The following ZPBP variants were observed in gnomAD, a reference collection of about 807,000 sequenced individuals.
ZPBP encodes zona pellucida-binding protein 1.
A neutral mutation model predicts 44.8 loss-of-function variants in ZPBP; 26 were observed. That is an observed-to-expected ratio of 0.58 (90% confidence interval 0.43 to 0.81). The LOEUF is 0.81. ZPBP is among the 30% of genes least tolerant of loss of function. The pLI is 0.00. For missense variants in ZPBP, 409 were observed against 434.0 expected, an observed-to-expected ratio of 0.94 and a Z score of 0.51; for synonymous variants, 174 against 153.2, an observed-to-expected ratio of 1.14 and a Z score of -1.00.
At chr7:50,034,808 T>C (rs1462337406) in intron 4 of ZPBP, among the ~76,000 whole-genome samples, 2 of 152,078 alleles carry the variant, frequency 1.3e-5, no homozygotes, top group Non-Finnish European at 2.9e-5. Flanking sequence ...TTTGCCAGGT[T>C]AGAACCTCTA....
chr7:49,909,760 A>G (rs888313629), intron 1 of ZPBP, among the ~76,000 whole-genome samples: 2 of 152,160 alleles, frequency 1.3e-5, no homozygotes, highest in African/African-American at 2.4e-5. Flanking sequence ...AAAGAGAAAG[A>G]GTTCAAGGGC....
At chr7:50,022,650 C>T (rs1176333882) in intron 5 of ZPBP, among the ~76,000 whole-genome samples, 1 of 151,974 alleles carries the variant, frequency 6.6e-6, no homozygotes, top group African/African-American at 2.4e-5. Context: ...TTGACATCTA[C>T]GGAACTTGTC....
intron 1 of ZPBP, among the ~76,000 whole-genome samples, chr7:49,927,957 C>T (rs1794306773): frequency 6.6e-6 from 1 of 152,106 alleles, no homozygotes; most frequent in South Asian, 2.1e-4. Flanking sequence ...ACAGCATTGC[C>T]CCTCTCATGA....
At chr7:49,926,580 C>T (rs60283249) in intron 1 of ZPBP, among the ~76,000 whole-genome samples, 26 of 152,290 alleles carry the variant, frequency 1.7e-4, no homozygotes, top group African/African-American at 6.0e-4. Context: ...AGGGTACCCT[C>T]TTTGCCCACG....
intron 2 of ZPBP, among the ~76,000 whole-genome samples, chr7:49,887,313 C>A (rs1791944629): frequency 6.6e-6 from 1 of 152,184 alleles, no homozygotes; most frequent in Non-Finnish European, 1.5e-5. Context: ...TATTCTGCAT[C>A]ATTTGAAAGA....
chr7:50,020,495 T>C (rs1198990516), intron 5 of ZPBP, among the ~76,000 whole-genome samples: 2 of 152,200 alleles, frequency 1.3e-5, no homozygotes, highest in Non-Finnish European at 2.9e-5. Context: ...ACAGACATTA[T>C]ATCCATCCCC....
In ZPBP at chr7:50,022,172, T is replaced by C. The variant is rs558881139; in HGVS notation, c.707-3856A>G. Among the ~76,000 whole-genome samples the C allele has an allele frequency of 2.0e-5, 3 of 152,130 alleles. No individual in the cohort carries two copies. The East Asian group carries it at 5.8e-4, about 29-fold the overall frequency. On this transcript the variant is annotated intron_variant, in intron 5 of 7. Coordinates refer to ENST00000046087, the MANE Select transcript of ZPBP (RefSeq NM_007009.3). ...TGAAGAATAGATAGTAACTTGTTAC[T>C]ACAAACAAAAAAAGAATACTGGCAA...
rs552309233 is a variant in ZPBP at position 49,858,449 on chromosome 7, G to A, written n.510-7935C>T. On this transcript the variant is annotated intron_variant and non_coding_transcript_variant, in intron 2 of 2. Coordinates refer to the ZPBP transcript ENST00000465922. ...AAACGATCATTCTCAGCAAACTATC[G>A]CAAGGACAAAAAACCAAACACCGCA... is the stretch of plus-strand genomic sequence containing the variant. 1.6e-3 allele frequency among the ~76,000 whole-genome samples: 235 copies of A among 151,288 alleles called. 3 individuals are homozygous for A. The highest frequency in any genetic ancestry group is 5.4e-3 in the African/African-American group (224 of 41,174).
rs542525617 is a variant in ZPBP, at chr7:50,033,865, G to A, written c.488-2555C>T. ...GCACCACCATACCCGGCTAATTTTT[G>A]TATTTTTAGTAGAGATGGGGTTTCA... On this transcript the variant is annotated intron_variant, in intron 4 of 7. Coordinates refer to ENST00000046087, the MANE Select transcript of ZPBP (RefSeq NM_007009.3). Among the ~76,000 whole-genome samples the A allele has an allele frequency of 1.1e-4, 16 of 151,922 alleles. No homozygotes were observed. The South Asian group carries it at 3.1e-3, about 30-fold the overall frequency.
chr7:49,924,136 A>AAATAATAATAAT (rs59183596), intron 1 of ZPBP, among the ~76,000 whole-genome samples: 1,759 of 149,436 alleles, frequency 0.012, 44 homozygotes, highest in African/African-American at 0.041. Flanking sequence ...TAATAATAAT[A>AAATAATAATAAT]AATAATAATA....
intron 6 of ZPBP, among the ~76,000 whole-genome samples, chr7:50,012,819 T>C (rs939221392): frequency 1.3e-5 from 2 of 151,156 alleles, no homozygotes; most frequent in African/African-American, 4.9e-5. Flanking sequence ...ATAAATAAAA[T>C]GTACAAAAAT....
At chr7:49,850,695 C>T (rs1237601055) in intron 2 of ZPBP, among the ~76,000 whole-genome samples, 8 of 152,254 alleles carry the variant, frequency 5.3e-5, no homozygotes, top group Non-Finnish European at 1.2e-4. Flanking sequence ...CAGTGTCAGA[C>T]AACTTGTGTT....
chr7:50,036,377 C>T (rs1487952367), intron 4 of ZPBP, among the ~76,000 whole-genome samples: 1 of 152,064 alleles, frequency 6.6e-6, no homozygotes, highest in African/African-American at 2.4e-5. Flanking sequence ...GACTTGAACT[C>T]CTGACCTTGT....
intron 2 of ZPBP, among the ~76,000 whole-genome samples, chr7:49,856,810 C>A (rs909977974): frequency 2.6e-5 from 4 of 151,882 alleles, no homozygotes; most frequent in African/African-American, 9.7e-5. Flanking sequence ...GAGATCGAGA[C>A]CATCCTGGCT....
intron 7 of ZPBP, 65 bp downstream of exon 7, chr7:49,983,277 T>A: frequency 6.9e-7 from 1 of 1,453,864 alleles, no homozygotes; most frequent in Non-Finnish European, 9.6e-7. Flanking sequence ...TGCATTCACT[T>A]AGGCTTAATG....
At chr7:49,950,564 A>G (rs1444642605) in intron 7 of ZPBP, among the ~76,000 whole-genome samples, 1 of 151,752 alleles carries the variant, frequency 6.6e-6, no homozygotes, top group Non-Finnish European at 1.5e-5. Flanking sequence ...TCTTTAAAAG[A>G]CGTGTATATA....
intron 2 of ZPBP, chr7:49,901,070 T>C (rs145752802): frequency 1.1e-4 from 17 of 151,998 alleles, no homozygotes; most frequent in Admixed American, 8.5e-4. Flanking sequence ...GAGAACTTCA[T>C]CAACTTGATA....
intron 3 of ZPBP, among the ~76,000 whole-genome samples, chr7:50,065,671 A>G (rs572880832): frequency 6.6e-6 from 1 of 150,906 alleles, no homozygotes; most frequent in East Asian, 1.9e-4. Flanking sequence ...CTCCACATAC[A>G]TAGTATGAGG....
intron 7 of ZPBP, among the ~76,000 whole-genome samples, chr7:49,962,834 T>C (rs993907517): frequency 6.6e-6 from 1 of 151,758 alleles, no homozygotes; most frequent in Admixed American, 6.6e-5. Flanking sequence ...TCTTCATGAA[T>C]TGGATCTAAG....
Sources: gnomAD v4.1 joint callset for allele counts (sites outside exome capture counted in the v4.1 genomes callset) on GRCh38, gnomAD v4.1.1 for gene constraint, MANE v1.5 for transcripts, NCBI Gene and HGNC (gene_info 2026-07-23, HGNC 2026-07-21) for gene names.